Variants in GLI2 observed in about 807,000 individuals in gnomAD.
GLI2 encodes the protein GLI family zinc finger 2.
In GLI2, 22 loss-of-function variants were observed where a neutral mutation model predicts 78.9. The ratio of observed to expected loss-of-function variants is 0.28; its 90% confidence interval spans 0.20 to 0.40. The LOEUF (loss-of-function observed/expected upper bound fraction) is 0.40, where lower values mean the gene tolerates loss of function less well. GLI2 is among the 10% of genes least tolerant of loss of function. The pLI, the probability that GLI2 is intolerant of heterozygous loss-of-function variation, is 1.00. For synonymous variants in GLI2, 974 were observed against 963.7 expected, an observed-to-expected ratio of 1.01 and a Z score of -0.20; for missense variants, 2,097 against 2,213.2, an observed-to-expected ratio of 0.95 and a Z score of 1.05.
intron 2 of GLI2, among the ~76,000 whole-genome samples, chr2:120,822,179 T>TA (rs1267730912): frequency 1.3e-5 from 2 of 152,226 alleles, no homozygotes; most frequent in Non-Finnish European, 2.9e-5. Flanking sequence ...CAAGGATTGT[T>TA]ACAAGGGTTG....
At chr2:120,826,230 G>C (rs1328272839) in intron 2 of GLI2, among the ~76,000 whole-genome samples, 2 of 152,202 alleles carry the variant, frequency 1.3e-5, no homozygotes, top group African/African-American at 2.4e-5. Context: ...GAGACAGAGA[G>C]GGGCTGAGTG....
chr2:120,796,539 A>G lies in GLI2; in HGVS notation c.-30-752A>G, dbSNP rs543033287. Among the ~76,000 whole-genome samples the G allele has an allele frequency of 1.5e-3, 235 of 152,332 alleles. 4 individuals carry two copies. Among genetic ancestry groups the G allele is most frequent in the East Asian group, 3.9e-4 (2 of 5,174 alleles). On this transcript the variant is annotated intron_variant, in intron 1 of 13. Coordinates refer to ENST00000361492, the MANE Select transcript of GLI2 (RefSeq NM_001374353.1). ...GCTCCTGGCTTTGCCCTCTGACTGCAGTGGGGTGGCCCCTCAGGCATCCCA... is the reference window on the plus strand; with the variant it reads ...GCTCCTGGCTTTGCCCTCTGACTGCGGTGGGGTGGCCCCTCAGGCATCCCA...
intron 2 of GLI2, among the ~76,000 whole-genome samples, chr2:120,912,733 C>T (rs1678890605): frequency 6.6e-6 from 1 of 152,204 alleles, no homozygotes; most frequent in Non-Finnish European, 1.5e-5. Context: ...TCTGCGGACC[C>T]TCTTATTTGT....
Position 120,984,542 on chromosome 2 carries a change from G to A in GLI2, c.1704G>A (p.Val568=). Residue 568 remains valine (V), a synonymous_variant, in exon 12 of 14, where the codon GTG becomes GTA. Transcript: ENST00000361492. ...ACCCCAGCTCTCTCCGGAAGCATGT[G>A]AAAACGGTCCACGGCCCAGATGCCC... The part of the protein sequence containing the change: ...YTDPSSLRKH[V]KTVHGPDAHV... 2 of 1,614,234 alleles carry A rather than the reference G, an allele frequency of 1.2e-6. No homozygotes were observed. The highest frequency in any genetic ancestry group is 1.1e-5 in the South Asian group (1 of 91,084).
intron 7 of GLI2, 67 bp downstream of exon 7, chr2:120,970,673 C>A: frequency 7.7e-7 from 1 of 1,300,034 alleles, no homozygotes; most frequent in Non-Finnish European, 1.1e-6. Flanking sequence ...TTGTTCACTG[C>A]CAGCTCATGC....
intron 2 of GLI2, among the ~76,000 whole-genome samples, chr2:120,834,630 A>C (rs1469602918): frequency 6.6e-6 from 1 of 152,172 alleles, no homozygotes; most frequent in Non-Finnish European, 1.5e-5. Context: ...CACAGAAAAC[A>C]AGAAAGTAGA....
chr2:120,951,168 C>A, intron 3 of GLI2, 75 bp from the exon 4 acceptor site: 1 of 831,910 alleles, frequency 1.2e-6, no homozygotes, highest in Non-Finnish European at 2.1e-6. Context: ...CAAGGACTGT[C>A]CATGTTGGTT....
intron 12 of GLI2, among the ~76,000 whole-genome samples, chr2:120,985,140 C>T (rs1682913402): frequency 6.6e-6 from 1 of 152,216 alleles, no homozygotes; most frequent in African/African-American, 2.4e-5. Flanking sequence ...TTTGTTCTAA[C>T]CACCTGTTCT....
chr2:120,819,585 C>T (rs557230301), intron 2 of GLI2, among the ~76,000 whole-genome samples: 14 of 152,280 alleles, frequency 9.2e-5, no homozygotes, highest in Admixed American at 7.8e-4. Context: ...CTTCCTTTGC[C>T]ATTCCTCCTT....
intron 2 of GLI2, among the ~76,000 whole-genome samples, chr2:120,878,927 T>TA (rs545715991): frequency 0.012 from 1,695 of 142,106 alleles, 9 homozygotes; most frequent in Non-Finnish European, 0.014. Context: ...GACTCCATCT[T>TA]AAAAAAAAAA....
chr2:120,743,824 C>G (rs1388872161), intron 1 of GLI2, among the ~76,000 whole-genome samples: 1 of 152,224 alleles, frequency 6.6e-6, no homozygotes, highest in Non-Finnish European at 1.5e-5. Flanking sequence ...GCACACCCTG[C>G]CCACTGGACA....
At chr2:120,938,188 C>T (rs1445022172) in intron 3 of GLI2, among the ~76,000 whole-genome samples, 1 of 152,162 alleles carries the variant, frequency 6.6e-6, no homozygotes, top group East Asian at 1.9e-4. Flanking sequence ...GGGCCTCCTC[C>T]CCGGACCCAG....
At chr2:120,806,530 G>A (rs2104716012) in intron 2 of GLI2, among the ~76,000 whole-genome samples, 1 of 152,280 alleles carries the variant, frequency 6.6e-6, no homozygotes. Context: ...GTGGGAGGAG[G>A]AGGGGCAGAG....
intron 2 of GLI2, among the ~76,000 whole-genome samples, chr2:120,899,643 G>GT (rs1678157549): frequency 6.6e-6 from 1 of 152,178 alleles, no homozygotes; most frequent in African/African-American, 2.4e-5. Flanking sequence ...AGAAGGCCCT[G>GT]TTCAGCCCTG....
chr2:120,838,315 G>A lies in GLI2; in HGVS notation c.148+40847G>A, dbSNP rs151274160. 6.0e-3 allele frequency among the ~76,000 whole-genome samples: 913 copies of A among 152,040 alleles called. 6 individuals carry two copies. Among genetic ancestry groups the A allele is most frequent in the Middle Eastern group, 0.017 (5 of 294 alleles). ...TACAGTTTCTAGTTCATTATTGCTG[G>A]CATCTAGGCATGTAGTTAAATTTTA... On this transcript the variant is annotated intron_variant, in intron 2 of 13. Transcript: ENST00000361492.
intron 5 of GLI2, among the ~76,000 whole-genome samples, chr2:120,962,597 G>A (rs1309190478): frequency 6.6e-6 from 1 of 152,178 alleles, no homozygotes; most frequent in Non-Finnish European, 1.5e-5. Flanking sequence ...ACCCGTGGCC[G>A]ACCGGCATTA....
At chr2:120,749,135 G>A (rs760712713) in intron 1 of GLI2, among the ~76,000 whole-genome samples, 1 of 152,128 alleles carries the variant, frequency 6.6e-6, no homozygotes, top group Non-Finnish European at 1.5e-5. Context: ...GATTTCCCTT[G>A]CTTATAACAC....
chr2:120,794,192 G>A (rs1318501399), intron 1 of GLI2, among the ~76,000 whole-genome samples: 1 of 152,186 alleles, frequency 6.6e-6, no homozygotes, highest in Non-Finnish European at 1.5e-5. Flanking sequence ...GGGGAAGTGG[G>A]GCTTCCTGGA....
chr2:120,808,128 T>G (rs980373828), intron 2 of GLI2, among the ~76,000 whole-genome samples: 7 of 152,078 alleles, frequency 4.6e-5, no homozygotes, highest in African/African-American at 1.7e-4. Flanking sequence ...TTTTCAGCAG[T>G]GATATTTGAG....
Sources: gnomAD v4.1 joint callset for allele counts (sites outside exome capture counted in the v4.1 genomes callset) on GRCh38, gnomAD v4.1.1 for gene constraint, MANE v1.5 for transcripts, NCBI Gene and HGNC (gene_info 2026-07-23, HGNC 2026-07-21) for gene names.